The following PRKN variants were observed in gnomAD, a reference collection of about 807,000 sequenced individuals.
PRKN encodes the protein E3 ubiquitin-protein ligase parkin.
A neutral mutation model predicts 59.5 loss-of-function variants in PRKN; 56 were observed. That is an observed-to-expected ratio of 0.94 (90% confidence interval 0.76 to 1.18). PRKN has a LOEUF of 1.18. Among genes scored for constraint, PRKN ranks in the 50% most tolerant of loss-of-function variants. PRKN has a pLI of 0.00. For synonymous variants in PRKN, 250 were observed against 222.1 expected (o/e 1.13, Z -1.12); for missense variants, 657 against 596.4 (o/e 1.10, Z -1.06).
In PRKN at chr6:161,483,573, C is replaced by T. The variant is rs1340355099; in HGVS notation, c.1083+65281G>A. ...GAATTCACTAAACTTCAATAAGCTA[C>T]AATTCTATCCTTACCTCACATGTCA... On this transcript the variant is annotated intron_variant, in intron 9 of 11. Transcript: ENST00000366898. The surrounding 1 kb of genome is among the most constrained non-coding windows in gnomAD (Gnocchi z 5.0). Among the ~76,000 whole-genome samples the T allele has an allele frequency of 6.6e-6, 1 of 152,170 alleles. No homozygotes were observed. Among genetic ancestry groups the T allele is most frequent in the East Asian group, 1.9e-4 (1 of 5,180 alleles).
intron 1 of PRKN, among the ~76,000 whole-genome samples, chr6:162,623,255 T>C (rs909325204): frequency 1.3e-5 from 2 of 152,060 alleles, no homozygotes; most frequent in Non-Finnish European, 2.9e-5. Context: ...GTGTGAAGAA[T>C]AAAGTTTCCA....
chr6:161,850,125 C>T (rs1793366181), intron 6 of PRKN, among the ~76,000 whole-genome samples: 1 of 152,032 alleles, frequency 6.6e-6, no homozygotes, highest in African/African-American at 2.4e-5. Flanking sequence ...TGGACACTGG[C>T]TAGTCACATA....
intron 4 of PRKN, among the ~76,000 whole-genome samples, chr6:162,061,984 G>C (rs1294023123): frequency 6.6e-6 from 1 of 152,176 alleles, no homozygotes; most frequent in Non-Finnish European, 1.5e-5. Flanking sequence ...AAATAGTATA[G>C]TCACTGCTGA....
At chr6:161,820,435 T>A (rs1205973415) in intron 6 of PRKN, among the ~76,000 whole-genome samples, 3 of 149,906 alleles carry the variant, frequency 2.0e-5, no homozygotes, top group Admixed American at 6.7e-5. Flanking sequence ...AATAATTTTT[T>A]AAATATTTAT....
chr6:162,593,499 GACTTTACACAGT>G (rs1461114429), intron 1 of PRKN, among the ~76,000 whole-genome samples: 4 of 152,036 alleles, frequency 2.6e-5, no homozygotes, highest in African/African-American at 9.7e-5. Context: ...CATCTCTCTG[GACTTTACACAGT>G]ACGGTTTATC....
chr6:162,300,265 T>TA (rs35823567), intron 2 of PRKN, among the ~76,000 whole-genome samples: 26,265 of 148,454 alleles, frequency 0.18, 2,491 homozygotes, highest in Admixed American at 0.27. Flanking sequence ...TCTTCTTCTT[T>TA]AAAAAAAAAA....
chr6:161,655,695 A>G (rs4413589), intron 7 of PRKN, among the ~76,000 whole-genome samples: 63,837 of 152,124 alleles, frequency 0.42, 13,815 homozygotes, highest in African/African-American at 0.51. Context: ...AACCAGAAGT[A>G]GCTAAAAAAT....
intron 1 of PRKN, among the ~76,000 whole-genome samples, chr6:162,499,357 C>T (rs945090275): frequency 1.3e-5 from 2 of 152,172 alleles, no homozygotes; most frequent in Non-Finnish European, 2.9e-5. Flanking sequence ...TAGGTACCCA[C>T]AGCATCCTGG....
chr6:161,637,693 C>G (rs2128157196), intron 7 of PRKN, among the ~76,000 whole-genome samples: 1 of 135,998 alleles, frequency 7.4e-6, no homozygotes, highest in African/African-American at 3.0e-5. Context: ...AAAAAATAGA[C>G]TCATTTGCCT....
chr6:162,472,374 G>A (rs1460414496), intron 1 of PRKN, among the ~76,000 whole-genome samples: 1 of 134,232 alleles, frequency 7.4e-6, no homozygotes, highest in African/African-American at 2.9e-5. Flanking sequence ...CCCAAGACAG[G>A]TGTGATGTTC....
chr6:162,478,487 C>G (rs1365603772), intron 1 of PRKN, among the ~76,000 whole-genome samples: 1 of 152,160 alleles, frequency 6.6e-6, no homozygotes, highest in African/African-American at 2.4e-5. Context: ...CTCTCCTGCA[C>G]AGCCAGTGAA....
At chr6:162,549,309 T>C (rs1191998887) in intron 1 of PRKN, among the ~76,000 whole-genome samples, 2 of 152,184 alleles carry the variant, frequency 1.3e-5, no homozygotes, top group African/African-American at 2.4e-5. Context: ...AAGCCGTCTA[T>C]GGTAATTTGT....
At chr6:162,014,452 T>G (rs766094497) in intron 5 of PRKN, among the ~76,000 whole-genome samples, 1 of 152,170 alleles carries the variant, frequency 6.6e-6, no homozygotes, top group African/African-American at 2.4e-5. Context: ...CTTGAAGACA[T>G]GCTTCCTCAC....
chr6:162,211,088 A>G (rs867735182), intron 3 of PRKN, among the ~76,000 whole-genome samples: 2 of 152,154 alleles, frequency 1.3e-5, no homozygotes, highest in Non-Finnish European at 2.9e-5. Context: ...TAGAAAGCAC[A>G]AGCTTTCCTT....
intron 7 of PRKN, among the ~76,000 whole-genome samples, chr6:161,708,086 T>C (rs1786583189): frequency 1.3e-5 from 2 of 152,218 alleles, no homozygotes; most frequent in Non-Finnish European, 2.9e-5. Flanking sequence ...ATTAAGTGTC[T>C]GATTCTAACT....
chr6:161,759,923 T>A (rs1789119547), intron 7 of PRKN, among the ~76,000 whole-genome samples: 1 of 152,228 alleles, frequency 6.6e-6, no homozygotes, highest in East Asian at 1.9e-4. Context: ...AAAAGAAGCT[T>A]TGTGATACAA....
At chr6:161,767,691 T>C (rs1789487868) in intron 7 of PRKN, among the ~76,000 whole-genome samples, 1 of 152,040 alleles carries the variant, frequency 6.6e-6, no homozygotes, top group Admixed American at 6.6e-5. Context: ...CAACTGAGGC[T>C]GTTTAGGTAT....
At chr6:161,923,456 T>C (rs1256058182) in intron 6 of PRKN, among the ~76,000 whole-genome samples, 1 of 152,056 alleles carries the variant, frequency 6.6e-6, no homozygotes, top group African/African-American at 2.4e-5. Flanking sequence ...CCTCAATAAA[T>C]AAATAAATAA....
chr6:162,036,170 A>G (rs1222832984), intron 5 of PRKN, among the ~76,000 whole-genome samples: 1 of 151,516 alleles, frequency 6.6e-6, no homozygotes, highest in Non-Finnish European at 1.5e-5. Flanking sequence ...TAAATATACA[A>G]AAAATTAGCC....
Sources: allele counts gnomAD v4.1 joint callset (sites outside exome capture counted in the v4.1 genomes callset), GRCh38; gene constraint gnomAD v4.1.1; non-coding constraint Gnocchi (gnomAD v3.1); transcripts MANE v1.5; gene names NCBI Gene and HGNC (gene_info 2026-07-23, HGNC 2026-07-21).